Variants in AUTS2 observed in about 807,000 individuals in gnomAD.
AUTS2 encodes activator of transcription and developmental regulator AUTS2, also known as autism susceptibility gene 2 protein.
In AUTS2, 17 loss-of-function variants were observed where a neutral mutation model predicts 112.4. The ratio of observed to expected loss-of-function variants is 0.15; its 90% confidence interval spans 0.10 to 0.23. The LOEUF (loss-of-function observed/expected upper bound fraction) is 0.23. AUTS2 is among the 10% of genes least tolerant of loss of function. The pLI is 1.00. For synonymous variants in AUTS2, 751 were observed against 702.7 expected, an observed-to-expected ratio of 1.07 and a Z score of -1.09; for missense variants, 1,510 against 1,701.6, an observed-to-expected ratio of 0.89 and a Z score of 1.98.
chr7:69,860,449 T>C (rs1343597402), intron 1 of AUTS2, among the ~76,000 whole-genome samples: 1 of 152,216 alleles, frequency 6.6e-6, no homozygotes, highest in Non-Finnish European at 1.5e-5. Context: ...TGTCCTTTCA[T>C]GTCACCACCA....
chr7:70,089,219 A>G (rs796421043), intron 2 of AUTS2, among the ~76,000 whole-genome samples: 14 of 152,330 alleles, frequency 9.2e-5, no homozygotes, highest in African/African-American at 3.4e-4. Flanking sequence ...TCTATCAATT[A>G]TTAACAATGG....
chr7:70,607,829 T>C (rs1803865422), intron 5 of AUTS2, among the ~76,000 whole-genome samples: 1 of 152,226 alleles, frequency 6.6e-6, no homozygotes, highest in Non-Finnish European at 1.5e-5. Flanking sequence ...ATTGTAGAAG[T>C]AAAATTGTAG....
intron 4 of AUTS2, among the ~76,000 whole-genome samples, chr7:70,379,488 C>T (rs1032406190): frequency 4.7e-5 from 7 of 149,078 alleles, no homozygotes; most frequent in African/African-American, 1.7e-4. Flanking sequence ...GGTGACAGAG[C>T]GAGCATCCGT....
At chr7:69,816,159 A>G (rs1487367880) in intron 1 of AUTS2, among the ~76,000 whole-genome samples, 3 of 152,200 alleles carry the variant, frequency 2.0e-5, no homozygotes, top group African/African-American at 4.8e-5. Context: ...GCTGTTAACA[A>G]TGGGGGCAAG....
intron 1 of AUTS2, among the ~76,000 whole-genome samples, chr7:69,736,682 G>A (rs939763075): frequency 5.3e-5 from 8 of 152,190 alleles, no homozygotes; most frequent in Non-Finnish European, 1.0e-4. Context: ...ACCTGCTGCA[G>A]CTTCTTGTCC....
intron 4 of AUTS2, among the ~76,000 whole-genome samples, chr7:70,286,882 G>T (rs1385159083): frequency 1.3e-5 from 2 of 152,094 alleles, no homozygotes; most frequent in Non-Finnish European, 2.9e-5. Context: ...GGACACATGA[G>T]CTACCCATTT....
intron 1 of AUTS2, among the ~76,000 whole-genome samples, chr7:69,632,219 ATTAC>A (rs966578828): frequency 1.4e-4 from 22 of 152,172 alleles, no homozygotes; most frequent in Admixed American, 3.3e-4. Context: ...ACCACCTTAC[ATTAC>A]TTATTTTTAT....
chr7:70,023,424 G>A (rs578048828), intron 2 of AUTS2, among the ~76,000 whole-genome samples: 176 of 152,250 alleles, frequency 1.2e-3, no homozygotes, highest in African/African-American at 3.8e-3. Context: ...ATTTTGTGCT[G>A]AGCGGATGGT....
chr7:70,248,360 G>A (rs1813038279), intron 4 of AUTS2, among the ~76,000 whole-genome samples: 1 of 152,120 alleles, frequency 6.6e-6, no homozygotes, highest in Non-Finnish European at 1.5e-5. Flanking sequence ...CTGACCTCAA[G>A]TGATCTGCCT....
At chr7:69,663,744 T>C (rs543684898) in intron 1 of AUTS2, among the ~76,000 whole-genome samples, 1 of 152,328 alleles carries the variant, frequency 6.6e-6, no homozygotes, top group South Asian at 2.1e-4. Flanking sequence ...GGCTCTTGCC[T>C]GGAAACCCAA....
chr7:69,992,479 C>A (rs1392263804), intron 2 of AUTS2, among the ~76,000 whole-genome samples: 1 of 152,192 alleles, frequency 6.6e-6, no homozygotes, highest in East Asian at 1.9e-4. Context: ...GTGATCCTCC[C>A]TGTGTGCCTC....
chr7:70,162,897 T>A (rs1808167060), intron 4 of AUTS2, among the ~76,000 whole-genome samples: 1 of 152,206 alleles, frequency 6.6e-6, no homozygotes, highest in African/African-American at 2.4e-5. Context: ...GATAGAACGA[T>A]AAATAAATTG....
intron 2 of AUTS2, among the ~76,000 whole-genome samples, chr7:70,026,186 A>C (rs146213921): frequency 6.6e-6 from 1 of 152,178 alleles, no homozygotes; most frequent in Non-Finnish European, 1.5e-5. Flanking sequence ...GATATTCCCT[A>C]GAAGGGAAAA....
chr7:70,212,449 C>A (rs1240224548), intron 4 of AUTS2, among the ~76,000 whole-genome samples: 2 of 152,228 alleles, frequency 1.3e-5, no homozygotes, highest in Non-Finnish European at 2.9e-5. Flanking sequence ...GATTTGCATA[C>A]TTCTACGTTA....
chr7:69,700,887 G>A (rs1407809680), intron 1 of AUTS2, among the ~76,000 whole-genome samples: 1 of 152,152 alleles, frequency 6.6e-6, no homozygotes, highest in Non-Finnish European at 1.5e-5. Context: ...CTGTCATTCT[G>A]TCCTGTTAAT....
chr7:69,793,956 A>G (rs1789730273), intron 1 of AUTS2, among the ~76,000 whole-genome samples: 1 of 152,166 alleles, frequency 6.6e-6, no homozygotes, highest in East Asian at 1.9e-4. Flanking sequence ...TGATGGCTTA[A>G]GTTGGAGAAT....
chr7:69,724,733 A>G (rs549243538), intron 1 of AUTS2, among the ~76,000 whole-genome samples: 19 of 152,306 alleles, frequency 1.2e-4, no homozygotes, highest in Non-Finnish European at 1.3e-4. Context: ...ATTTCAAATT[A>G]TGGTCTAGGA....
chr7:70,356,425 C>T (rs1189778039), intron 4 of AUTS2, among the ~76,000 whole-genome samples: 1 of 152,216 alleles, frequency 6.6e-6, no homozygotes, highest in Non-Finnish European at 1.5e-5. Flanking sequence ...TGTGGCATAA[C>T]TTGCTTGTCA....
At chr7:69,699,875 C>A (rs576309217) in intron 1 of AUTS2, among the ~76,000 whole-genome samples, 2 of 152,148 alleles carry the variant, frequency 1.3e-5, no homozygotes, top group Admixed American at 1.3e-4. Context: ...AGACTCCTGA[C>A]CTCAAGTGAT....
Sources: gnomAD v4.1 joint callset for allele counts (sites outside exome capture counted in the v4.1 genomes callset) on GRCh38, gnomAD v4.1.1 for gene constraint, MANE v1.5 for transcripts, NCBI Gene and HGNC (gene_info 2026-07-23, HGNC 2026-07-21) for gene names.